Variants in PPP2R3A observed in about 807,000 individuals in gnomAD.
PPP2R3A encodes serine/threonine-protein phosphatase 2A regulatory subunit B'' subunit alpha.
A neutral mutation model predicts 106.9 loss-of-function variants in PPP2R3A; 80 were observed. The observed-to-expected ratio is 0.75, with a 90% confidence interval of 0.62 to 0.90. The LOEUF is 0.90. PPP2R3A is among the 40% of genes least tolerant of loss of function. The probability of loss-of-function intolerance (pLI) is 0.00; values close to 1 mark genes in which losing one functional copy is unlikely to be tolerated. For missense variants in PPP2R3A, 1,386 were observed against 1,350.4 expected (o/e 1.03, Z -0.41); for synonymous variants, 483 against 468.3 (o/e 1.03, Z -0.41).
At chr3:136,008,865 C>G (rs549636613) in intron 2 of PPP2R3A, among the ~76,000 whole-genome samples, 1 of 152,220 alleles carries the variant, frequency 6.6e-6, no homozygotes, top group African/African-American at 2.4e-5. Context: ...CACAGCTTCA[C>G]CACCACTCTC....
chr3:136,030,778 A>ATG lies in PPP2R3A; in HGVS notation c.2262+3681_2262+3682insGT, dbSNP rs1553745405. Among the ~76,000 whole-genome samples, 350 of 111,302 alleles carry ATG rather than the reference A, an allele frequency of 3.1e-3. 2 individuals are homozygous for ATG. Among genetic ancestry groups the ATG allele is most frequent in the Admixed American group, 4.8e-3 (57 of 11,810 alleles). The allele number at this position is 111,302 out of a possible 152,430, so 73.0% of individuals were successfully genotyped here. A position where few individuals can be genotyped will look rare whatever the true frequency, so the allele number is the denominator to read the frequency against. ...TTCCATCACATATATATATATATAT[A>ATG]TATGTATGTATGTATGTATGTATGT... is the stretch of plus-strand genomic sequence containing the variant. On this transcript the variant is annotated intron_variant, in intron 3 of 13. Transcript: ENST00000264977.
chr3:136,011,158 CT>C (rs1247092767), intron 2 of PPP2R3A, among the ~76,000 whole-genome samples: 2 of 152,166 alleles, frequency 1.3e-5, no homozygotes, highest in African/African-American at 4.8e-5. Flanking sequence ...TCACTGAGGC[CT>C]TTTTGCCCTA....
At chr3:136,098,435 C>G (rs1194586217) in intron 10 of PPP2R3A, among the ~76,000 whole-genome samples, 2 of 152,216 alleles carry the variant, frequency 1.3e-5, no homozygotes, top group Non-Finnish European at 2.9e-5. Flanking sequence ...TGAAAACAGT[C>G]AACAGTTACA....
At chr3:136,024,038 T>A (rs1459375376) in intron 2 of PPP2R3A, among the ~76,000 whole-genome samples, 1 of 152,110 alleles carries the variant, frequency 6.6e-6, no homozygotes, top group Non-Finnish European at 1.5e-5. Context: ...TCAAAAATGA[T>A]CAAATATTGG....
intron 1 of PPP2R3A, among the ~76,000 whole-genome samples, chr3:135,984,236 C>A (rs1342700313): frequency 6.6e-6 from 1 of 152,152 alleles, no homozygotes; most frequent in Non-Finnish European, 1.5e-5. Context: ...TACCCCAGCT[C>A]CTTTAGCCTT....
chr3:136,099,684 A>T (rs1179204274), intron 10 of PPP2R3A, among the ~76,000 whole-genome samples: 2 of 152,282 alleles, frequency 1.3e-5, no homozygotes, highest in African/African-American at 2.4e-5. Context: ...GATCAAAAAA[A>T]TTTTAATATA....
intron 2 of PPP2R3A, among the ~76,000 whole-genome samples, chr3:136,014,754 A>G (rs563881812): frequency 2.0e-5 from 3 of 152,234 alleles, no homozygotes; most frequent in East Asian, 3.9e-4. Context: ...TTCCAGGTAT[A>G]TGATCATATC....
Position 136,001,184 on chromosome 3 carries a change from A to G in PPP2R3A, c.-315A>G, listed in dbSNP as rs555930218. On this transcript the variant is annotated 5_prime_UTR_variant, in exon 2 of 14. It adds an upstream start codon to the 5' untranslated region. Coordinates refer to ENST00000264977, the MANE Select transcript of PPP2R3A (RefSeq NM_002718.5). ...TTATGAGAGCAAATTTCCATGTTAT[A>G]GAACTGTTGAAGAACTAAAAGAGGA... The G allele has an allele frequency of 3.0e-4, 127 of 429,932 alleles. 1 individual carries two copies. The East Asian group carries it at 3.4e-3, about 12-fold the overall frequency. The allele number at this position is 429,932 out of a possible 1,614,324, so 26.6% of individuals were successfully genotyped here.
chr3:136,066,607 C>T (rs368708830), intron 5 of PPP2R3A, among the ~76,000 whole-genome samples: 2 of 152,068 alleles, frequency 1.3e-5, no homozygotes, highest in Non-Finnish European at 2.9e-5. Flanking sequence ...GGTGAAGCCT[C>T]GGAGTTTTCA....
intron 13 of PPP2R3A, among the ~76,000 whole-genome samples, chr3:136,140,932 A>G (rs1270769141): frequency 6.6e-6 from 1 of 152,188 alleles, no homozygotes; most frequent in African/African-American, 2.4e-5. Flanking sequence ...ATGAATGATC[A>G]TGAATGAATT....
At chr3:136,117,622 A>T (rs1937824136) in intron 13 of PPP2R3A, among the ~76,000 whole-genome samples, 1 of 152,210 alleles carries the variant, frequency 6.6e-6, no homozygotes, top group African/African-American at 2.4e-5. Context: ...TAAACTAGAA[A>T]ATCTAGAAGA....
chr3:136,049,209 ATTGT>A, intron 4 of PPP2R3A, 46 bp from the exon 5 acceptor site: 2 of 1,349,352 alleles, frequency 1.5e-6, no homozygotes, highest in East Asian at 2.3e-5. Flanking sequence ...TGTTATTGTC[ATTGT>A]TTGTTCAGAG....
intron 8 of PPP2R3A, among the ~76,000 whole-genome samples, chr3:136,084,791 T>C (rs1313189348): frequency 6.6e-6 from 1 of 152,244 alleles, no homozygotes; most frequent in Non-Finnish European, 1.5e-5. Context: ...TTTGGAACTT[T>C]AAGGTTTAAT....
chr3:135,993,700 C>T (rs1460303215), intron 1 of PPP2R3A, among the ~76,000 whole-genome samples: 2 of 152,146 alleles, frequency 1.3e-5, no homozygotes, highest in African/African-American at 4.8e-5. Context: ...AGCATCAGAA[C>T]ATTTGAATAG....
chr3:136,076,676 C>T (rs1195726383), intron 6 of PPP2R3A, among the ~76,000 whole-genome samples: 4 of 152,246 alleles, frequency 2.6e-5, no homozygotes, highest in Non-Finnish European at 4.4e-5. Context: ...TGGCTGGGCG[C>T]GGTGGCTCAC....
chr3:135,973,952 A>G (rs1421436437), intron 1 of PPP2R3A, among the ~76,000 whole-genome samples: 1 of 152,154 alleles, frequency 6.6e-6, no homozygotes, highest in East Asian at 1.9e-4. Flanking sequence ...TTGAGTCCAC[A>G]TTAATCAGGC....
At chr3:136,039,275 A>G (rs979481782) in intron 3 of PPP2R3A, among the ~76,000 whole-genome samples, 1 of 152,160 alleles carries the variant, frequency 6.6e-6, no homozygotes, top group African/African-American at 2.4e-5. Flanking sequence ...GAATAATAAC[A>G]TATTTATCTC....
At chr3:136,088,361 G>A (rs529103330) in intron 9 of PPP2R3A, among the ~76,000 whole-genome samples, 1 of 152,292 alleles carries the variant, frequency 6.6e-6, no homozygotes, top group South Asian at 2.1e-4. Flanking sequence ...TTGGTTTTCT[G>A]TTCCTGTGTT....
intron 13 of PPP2R3A, among the ~76,000 whole-genome samples, chr3:136,110,965 CA>C (rs1395384581): frequency 1.3e-5 from 2 of 151,454 alleles, no homozygotes; most frequent in Admixed American, 6.6e-5. Flanking sequence ...TCAAGTACTG[CA>C]AAAAAAATAA....
Sources: allele counts gnomAD v4.1 joint callset (sites outside exome capture counted in the v4.1 genomes callset), GRCh38; gene constraint gnomAD v4.1.1; transcripts MANE v1.5; gene names NCBI Gene and HGNC (gene_info 2026-07-23, HGNC 2026-07-21).